The following TMEM217B variants were observed in gnomAD, a reference collection of about 807,000 sequenced individuals.
The protein encoded by TMEM217B is putative transmembrane protein 217B.
chr6:37,218,018 G>C, the TMEM217B span: 1 of 991,828 alleles, frequency 1.0e-6, no homozygotes, highest in Non-Finnish European at 1.2e-6. Context: ...TCTCCTGAAA[G>C]AGTGGCAGTA....
At chr6:37,219,408 C>G in the TMEM217B span, among the ~76,000 whole-genome samples, 1 of 152,118 alleles carries the variant, frequency 6.6e-6, no homozygotes, top group Non-Finnish European at 1.5e-5. Flanking sequence ...TCGTATGTAG[C>G]CAGTGTTGGA....
the TMEM217B span, among the ~76,000 whole-genome samples, chr6:37,215,999 GTGTGTGTGT>G: frequency 6.1e-5 from 1 of 16,406 alleles, no homozygotes; most frequent in Non-Finnish European, 1.2e-4. Flanking sequence ...TTCAGGGTGT[GTGTGTGTGT>G]GTGTGTGTGT....
the TMEM217B span, among the ~76,000 whole-genome samples, chr6:37,252,645 T>A: frequency 0.042 from 4,620 of 109,986 alleles, 70 homozygotes; most frequent in Middle Eastern, 0.083. Flanking sequence ...ATATTTTTTT[T>A]TTTTTTTTTT....
At chr6:37,228,986 G>C in the TMEM217B span, among the ~76,000 whole-genome samples, 1 of 151,396 alleles carries the variant, frequency 6.6e-6, no homozygotes, top group South Asian at 2.1e-4. Flanking sequence ...GACAGAGAGA[G>C]ACTCCGTCTC....
chr6:37,237,658 C>T, the TMEM217B span, among the ~76,000 whole-genome samples: 1 of 152,174 alleles, frequency 6.6e-6, no homozygotes, highest in African/African-American at 2.4e-5. Flanking sequence ...GATGAATAAA[C>T]TGCTACATAT....
the TMEM217B span, among the ~76,000 whole-genome samples, chr6:37,241,329 T>C: frequency 3.3e-5 from 5 of 152,046 alleles, no homozygotes; most frequent in Admixed American, 3.3e-4. Context: ...AAAAGGTGGC[T>C]GTCTACGTGG....
At chr6:37,232,288 G>GCTC in the TMEM217B span, among the ~76,000 whole-genome samples, 1 of 152,150 alleles carries the variant, frequency 6.6e-6, no homozygotes, top group Non-Finnish European at 1.5e-5. Flanking sequence ...CTATCACAAG[G>GCTC]CTCCTGCCCA....
At chr6:37,256,517 T>C in the TMEM217B span, among the ~76,000 whole-genome samples, 11 of 152,238 alleles carry the variant, frequency 7.2e-5, no homozygotes, top group African/African-American at 2.4e-4. Context: ...ATAAAGAAGA[T>C]AAGATGCTTT....
At chr6:37,231,910 A>G in the TMEM217B span, among the ~76,000 whole-genome samples, 1 of 150,126 alleles carries the variant, frequency 6.7e-6, no homozygotes, top group African/African-American at 2.4e-5. Context: ...CTGTGTGGCT[A>G]AAAAAAAATT....
chr6:37,212,707 A>G, the TMEM217B span: 3 of 642,240 alleles, frequency 4.7e-6, no homozygotes, highest in Non-Finnish European at 8.7e-6. Context: ...CATGGCATAG[A>G]TCAGCAGCCC....
chr6:37,229,335 G>GTTTTTTTTTTT, the TMEM217B span, among the ~76,000 whole-genome samples: 25 of 74,362 alleles, frequency 3.4e-4, 5 homozygotes, highest in South Asian at 6.4e-4. Flanking sequence ...GCAACTTTCA[G>GTTTTTTTTTTT]TTTTTTTTTT....
At chr6:37,217,005 T>TAATAA in the TMEM217B span, among the ~76,000 whole-genome samples, 1 of 152,160 alleles carries the variant, frequency 6.6e-6, no homozygotes, top group Non-Finnish European at 1.5e-5. Flanking sequence ...AATTACTCAG[T>TAATAA]TATTATAGCA....
At chr6:37,237,708 A>C in the TMEM217B span, among the ~76,000 whole-genome samples, 6 of 152,328 alleles carry the variant, frequency 3.9e-5, no homozygotes, top group Admixed American at 3.3e-4. Flanking sequence ...AAAAGGAACA[A>C]CTGTAGCAAC....
At chr6:37,214,175 A>C in the TMEM217B span, among the ~76,000 whole-genome samples, 4 of 152,232 alleles carry the variant, frequency 2.6e-5, no homozygotes, top group Non-Finnish European at 4.4e-5. Context: ...GACATTAAGT[A>C]CATTCACGTT....
chr6:37,238,764 A>C, the TMEM217B span, among the ~76,000 whole-genome samples: 2 of 152,214 alleles, frequency 1.3e-5, no homozygotes, highest in African/African-American at 4.8e-5. Flanking sequence ...AAAGGGAGAG[A>C]CTTACTTTTT....
At chr6:37,219,107 C>T in the TMEM217B span, 1 of 1,395,128 alleles carries the variant, frequency 7.2e-7, no homozygotes, top group Non-Finnish European at 9.8e-7. Flanking sequence ...ACCAGGGTTT[C>T]TGCCTCCTTC....
chr6:37,250,913 T>C, the TMEM217B span, among the ~76,000 whole-genome samples: 1 of 152,252 alleles, frequency 6.6e-6, no homozygotes. Flanking sequence ...TTTAGACACA[T>C]ATGTTGAAAT....
chr6:37,234,886 T>C, the TMEM217B span, among the ~76,000 whole-genome samples: 1 of 152,180 alleles, frequency 6.6e-6, no homozygotes, highest in Non-Finnish European at 1.5e-5. Context: ...GCTGGTTTTA[T>C]TATAAGGTTT....
chr6:37,233,063 T>G, the TMEM217B span, among the ~76,000 whole-genome samples: 1 of 152,194 alleles, frequency 6.6e-6, no homozygotes, highest in Admixed American at 6.5e-5. Flanking sequence ...GGTCTTCAGT[T>G]TGGAGCTTTA....
Sources: gnomAD v4.1 joint callset for allele counts (sites outside exome capture counted in the v4.1 genomes callset) on GRCh38, gnomAD v4.1.1 for gene constraint, MANE v1.5 for transcripts, NCBI Gene and HGNC (gene_info 2026-07-23, HGNC 2026-07-21) for gene names.